USP8: variants seen among roughly 807,000 people sequenced by gnomAD.
The protein encoded by USP8 is ubiquitin carboxyl-terminal hydrolase 8.
Under a neutral mutation model 130.0 loss-of-function variants are expected in USP8, and 27 were observed. The ratio of observed to expected loss-of-function variants is 0.21; its 90% CI spans 0.15 to 0.29. USP8 has a LOEUF of 0.29. Ranked by LOEUF, USP8 falls within the 10% of genes least tolerant of loss-of-function variation. The probability of loss-of-function intolerance (pLI) is 1.00; values close to 1 mark genes in which losing one functional copy is unlikely to be tolerated. For missense variants in USP8, 1,029 were observed against 1,312.2 expected, an observed-to-expected ratio of 0.78 and a Z score of 3.33; for synonymous variants, 392 against 444.1, an observed-to-expected ratio of 0.88 and a Z score of 1.48.
At chr15:50,441,057 A>T (rs2050243227) in intron 2 of USP8, among the ~76,000 whole-genome samples, 1 of 151,742 alleles carries the variant, frequency 6.6e-6, no homozygotes, top group Non-Finnish European at 1.5e-5. Context: ...AGTTCACAAT[A>T]GGGTTCGTGC....
At chr15:50,492,051 G>A (rs896905271) in intron 14 of USP8, among the ~76,000 whole-genome samples, 1 of 152,044 alleles carries the variant, frequency 6.6e-6, no homozygotes, top group East Asian at 1.9e-4. Context: ...TAGTAGAGAC[G>A]GGGTTTCACC....
At chr15:50,427,490 T>C (rs1286034846) in intron 1 of USP8, among the ~76,000 whole-genome samples, 1 of 152,018 alleles carries the variant, frequency 6.6e-6, no homozygotes, top group Non-Finnish European at 1.5e-5. Context: ...TAATATTAAA[T>C]TTATTAGTAC....
Position 50,489,856 on chromosome 15 carries a change from C to G in USP8, c.1946C>G (p.Pro649Arg). The change falls in exon 13 of 20, where the codon CCA becomes CGA. Residue 649 changes from proline (P) to arginine (R), a missense_variant. By Grantham distance (103) the Pro-to-Arg change is moderately radical. Around this residue, in one of 4 missense-constraint regions of USP8, gnomAD observed 486 missense variants for 522.0 expected, o/e 0.93. Transcript: ENST00000307179. ...AGTGAAGAAATGGGGAGGATCGTAC[C>G]AGGACTGCCTTCAGGCTGGGCCAAG... ...ARSEEMGRIV[P>R]GLPSGWAKFL... 1 of 1,584,372 alleles carries G rather than the reference C, an allele frequency of 6.3e-7. No homozygotes were observed. Among genetic ancestry groups the G allele is most frequent in the Non-Finnish European group, 8.6e-7 (1 of 1,166,398 alleles).
At chr15:50,452,588 C>A (rs960445276) in intron 4 of USP8, among the ~76,000 whole-genome samples, 1 of 152,136 alleles carries the variant, frequency 6.6e-6, no homozygotes, top group Non-Finnish European at 1.5e-5. Flanking sequence ...ACATACTGTT[C>A]CAGCATAGAG....
At chr15:50,494,316 T>C (rs2052290236) in intron 16 of USP8, 36 bp downstream of exon 16, 6 of 1,553,900 alleles carry the variant, frequency 3.9e-6, no homozygotes, top group Non-Finnish European at 5.2e-6. Flanking sequence ...GCAGAGACTC[T>C]TTAGGGTTGC....
intron 10 of USP8, among the ~76,000 whole-genome samples, 179 bp from the exon 11 acceptor site, chr15:50,481,302 T>C (rs764636767): frequency 6.6e-6 from 1 of 152,244 alleles, no homozygotes; most frequent in Non-Finnish European, 1.5e-5. Context: ...GATGTTTGAA[T>C]ATCTACCATT....
Position 50,494,297 on chromosome 15 carries a change from T to C in USP8, c.2658+17T>C, listed in dbSNP as rs754709566. ...CTAAATAAAGTAAGAAATTTGATTT[T>C]TCTAAGTTGCAGAGACTCTTTAGGG... On this transcript the variant is annotated intron_variant, in intron 16 of 19. Coordinates refer to ENST00000307179, the MANE Select transcript of USP8 (RefSeq NM_005154.5). 1.3e-6 allele frequency: 2 copies of C among 1,584,560 alleles called. No homozygotes were observed. Among genetic ancestry groups the C allele is most frequent in the Non-Finnish European group, 1.7e-6 (2 of 1,169,946 alleles).
At chr15:50,487,098 T>A (rs1257355317) in intron 12 of USP8, among the ~76,000 whole-genome samples, 1 of 151,388 alleles carries the variant, frequency 6.6e-6, no homozygotes, top group African/African-American at 2.4e-5. Context: ...CACTCCAGCC[T>A]GGGCAACAGA....
At chr15:50,453,517 A>G (rs2050689166) in intron 4 of USP8, among the ~76,000 whole-genome samples, 1 of 152,158 alleles carries the variant, frequency 6.6e-6, no homozygotes, top group Non-Finnish European at 1.5e-5. Flanking sequence ...TTTTAAATGT[A>G]TTCTTGTTTT....
rs2052550381 is a variant in USP8, at chr15:50,499,932, A to G, written c.*844A>G. 6.6e-6 allele frequency: 1 copy of G among 152,188 alleles called. No individual in the cohort carries two copies. The highest frequency in any genetic ancestry group is 1.5e-5 in the Non-Finnish European group (1 of 68,022). The allele number at this position is 152,188 out of a possible 1,614,324, so 9.4% of individuals were successfully genotyped here. ...CATATTGAGAATATTCATTCTAAAT[A>G]TTAAAGTAAAAATGCCGGGAGTCAG... On this transcript the variant is annotated 3_prime_UTR_variant, in exon 20 of 20. Coordinates refer to ENST00000307179, the MANE Select transcript of USP8 (RefSeq NM_005154.5).
At chr15:50,488,868 C>T (rs942877298) in intron 12 of USP8, among the ~76,000 whole-genome samples, 11 of 151,664 alleles carry the variant, frequency 7.3e-5, no homozygotes, top group East Asian at 1.9e-4. Context: ...CCACTGTGCC[C>T]GGCCAAACCT....
At chr15:50,441,822 G>A (rs1488971515) in intron 3 of USP8, among the ~76,000 whole-genome samples, 1 of 150,742 alleles carries the variant, frequency 6.6e-6, no homozygotes, top group South Asian at 2.1e-4. Flanking sequence ...ACATGACTGT[G>A]TTTTTTTTTA....
Position 50,456,354 on chromosome 15 carries a change from A to G in USP8, c.336-2646A>G, listed in dbSNP as rs1210911392. ...TGGGAGGCCGAGGCAGGTGGATCAC[A>G]AGGTCAGGAGTTCAAGACCGGCCTA... On this transcript the variant is annotated intron_variant, in intron 4 of 19. Coordinates refer to ENST00000307179, the MANE Select transcript of USP8 (RefSeq NM_005154.5). Among the ~76,000 whole-genome samples the G allele has an allele frequency of 3.5e-5, 5 of 144,744 alleles. No individual in the cohort carries two copies. The East Asian group carries it at 1.1e-3, about 31-fold the overall frequency. 95.0% of individuals were successfully genotyped at this position (144,744 alleles called of 152,430 possible).
intron 8 of USP8, among the ~76,000 whole-genome samples, chr15:50,472,291 A>C (rs2051403592): frequency 6.6e-6 from 1 of 151,962 alleles, no homozygotes; most frequent in Non-Finnish European, 1.5e-5. Context: ...TAGGTGGAAA[A>C]AGATCTTATA....
Position 50,453,319 on chromosome 15 carries a change from A to T in USP8, c.335+3834A>T, listed in dbSNP as rs1388979392. Among the ~76,000 whole-genome samples the T allele has an allele frequency of 3.3e-5, 5 of 152,112 alleles. No individual in the cohort carries two copies. The East Asian group carries it at 9.6e-4, about 29-fold the overall frequency. The stretch of plus-strand genomic sequence containing the variant: ...CCATTTATTTTATTTTAACACACTG[A>T]TTTTCATAAATCTATTGTTTTCCCA... On this transcript the variant is annotated intron_variant, in intron 4 of 19. Transcript: ENST00000307179.
chr15:50,436,506 GT>G (rs1325129082), intron 1 of USP8, among the ~76,000 whole-genome samples: 1 of 151,802 alleles, frequency 6.6e-6, no homozygotes, highest in Non-Finnish European at 1.5e-5. Context: ...TGGTTTTTTT[GT>G]TTTGTTTTTG....
chr15:50,507,274 C>T lies in USP8; in HGVS notation c.*8186C>T, dbSNP rs933411632. The T allele has an allele frequency of 6.6e-6, 1 of 152,508 alleles. No homozygotes were observed. The highest frequency in any genetic ancestry group is 2.4e-5 in the African/African-American group (1 of 41,448). The allele number at this position is 152,508 out of a possible 1,614,324, so 9.4% of individuals were successfully genotyped here. ...CTCCAGCCTGGGGCACAGAGTGAGACTCTGTCTCTAAAACAAAACAACAAC... is the reference window on the plus strand; with the variant it reads ...CTCCAGCCTGGGGCACAGAGTGAGATTCTGTCTCTAAAACAAAACAACAAC... On this transcript the variant is annotated 3_prime_UTR_variant, in exon 20 of 20. Transcript: ENST00000307179.
intron 16 of USP8, among the ~76,000 whole-genome samples, 181 bp downstream of exon 16, chr15:50,494,461 G>A (rs1049019552): frequency 3.9e-5 from 6 of 152,120 alleles, no homozygotes; most frequent in Admixed American, 3.3e-4. Flanking sequence ...TATACAGTTG[G>A]TATTTACTAA....
In USP8 at chr15:50,512,339, A is replaced by AG. The variant is rs1389256135; in HGVS notation, c.*13251_*13252insG. 6.6e-6 allele frequency: 1 copy of AG among 151,602 alleles called. No homozygotes were observed. Among genetic ancestry groups the AG allele is most frequent in the Non-Finnish European group, 1.5e-5 (1 of 68,046 alleles). 9.4% of individuals were successfully genotyped at this position (151,602 alleles called of 1,614,324 possible). On this transcript the variant is annotated 3_prime_UTR_variant, in exon 20 of 20. Coordinates refer to ENST00000307179, the MANE Select transcript of USP8 (RefSeq NM_005154.5). ...CAAGACTCTGTTAAAAAAAAAAAAAATAGCGAGAGATCGAGAGAGAGTGCA... is the reference window on the plus strand; with the variant it reads ...CAAGACTCTGTTAAAAAAAAAAAAAAGTAGCGAGAGATCGAGAGAGAGTGCA...
Sources: gnomAD v4.1 joint callset for allele counts (sites outside exome capture counted in the v4.1 genomes callset) on GRCh38, gnomAD v4.1.1 for gene constraint, gnomAD v4.1.1 regional missense constraint, MANE v1.5 for transcripts, NCBI Gene and HGNC (gene_info 2026-07-23, HGNC 2026-07-21) for gene names.